AFF3: variants seen among roughly 807,000 people sequenced by gnomAD.
The protein encoded by AFF3 is ALF transcription elongation factor 3.
Under a neutral mutation model 129.7 loss-of-function variants are expected in AFF3, and 32 were observed. The ratio of observed to expected loss-of-function variants is 0.25; its 90% confidence interval spans 0.19 to 0.33. The LOEUF is 0.33. AFF3 is among the 10% of genes least tolerant of loss of function. The pLI, the probability that AFF3 is intolerant of heterozygous loss-of-function variation, is 1.00. For missense variants in AFF3, 1,373 were observed against 1,592.0 expected (o/e 0.86, Z 2.34); for synonymous variants, 644 against 635.4 (o/e 1.01, Z -0.20).
intron 12 of AFF3, among the ~76,000 whole-genome samples, chr2:99,656,755 T>C (rs1278811018): frequency 6.6e-6 from 1 of 152,212 alleles, no homozygotes; most frequent in Non-Finnish European, 1.5e-5. Context: ...CGTTTAGTAA[T>C]ATCTGCAAGA....
chr2:100,075,319 A>C (rs1397992921), intron 4 of AFF3, among the ~76,000 whole-genome samples: 1 of 152,130 alleles, frequency 6.6e-6, no homozygotes, highest in Non-Finnish European at 1.5e-5. Flanking sequence ...TTTAGCAAAG[A>C]CGTCTTCAAG....
intron 12 of AFF3, among the ~76,000 whole-genome samples, chr2:99,668,719 G>C (rs909681247): frequency 7.1e-6 from 1 of 141,720 alleles, no homozygotes; most frequent in Non-Finnish European, 1.5e-5. Flanking sequence ...CATGCACCAC[G>C]CCTGGCTAAT....
At chr2:99,747,618 T>A (rs1157974498) in intron 9 of AFF3, among the ~76,000 whole-genome samples, 1 of 152,190 alleles carries the variant, frequency 6.6e-6, no homozygotes, top group Non-Finnish European at 1.5e-5. Flanking sequence ...CCATAGATAG[T>A]AAACTTTAAA....
At chr2:99,849,948 G>T (rs1690026542) in intron 7 of AFF3, among the ~76,000 whole-genome samples, 1 of 152,168 alleles carries the variant, frequency 6.6e-6, no homozygotes, top group Admixed American at 6.5e-5. Flanking sequence ...ATATGCTAAG[G>T]ATTCATAAGT....
rs139751563 is a variant in AFF3 at position 100,080,327 on chromosome 2, T to C, written c.53+24075A>G. Among the ~76,000 whole-genome samples the C allele has an allele frequency of 3.3e-5, 5 of 152,348 alleles. No homozygotes were observed. The East Asian group carries it at 9.6e-4, about 29-fold the overall frequency. ...AGTAGTTAGATGTTTATTGTAATTTTGTTTAGCTCTGTCAAAGAATATTAC... is the reference window on the plus strand; with the variant it reads ...AGTAGTTAGATGTTTATTGTAATTTCGTTTAGCTCTGTCAAAGAATATTAC... On this transcript the variant is annotated intron_variant, in intron 4 of 24. Transcript: ENST00000672756.
chr2:99,556,846 C>T (rs754054980), intron 22 of AFF3, among the ~76,000 whole-genome samples: 8 of 151,724 alleles, frequency 5.3e-5, no homozygotes, highest in Non-Finnish European at 8.8e-5. Context: ...TGCTTGAGCC[C>T]AGGAATTCAC....
rs527883752 is a variant in AFF3, at chr2:99,888,031, T to C, written c.874-50507A>G. ...TATTTGTAATCAAAATCAGCAAGTGTTATATTAATAACTTCAGAAACGCTG... is the reference window on the plus strand; with the variant it reads ...TATTTGTAATCAAAATCAGCAAGTGCTATATTAATAACTTCAGAAACGCTG... On this transcript the variant is annotated intron_variant, in intron 7 of 24. Coordinates refer to ENST00000672756, the MANE Select transcript of AFF3 (RefSeq NM_001386135.1). Among the ~76,000 whole-genome samples, 8 of 152,308 alleles carry C rather than the reference T, an allele frequency of 5.3e-5. No individual in the cohort carries two copies. The Middle Eastern group carries it at 0.01, about 194-fold the overall frequency.
intron 7 of AFF3, among the ~76,000 whole-genome samples, chr2:99,909,238 A>C (rs1303874068): frequency 6.6e-6 from 1 of 151,522 alleles, no homozygotes; most frequent in Non-Finnish European, 1.5e-5. Context: ...TCGCAAGGAC[A>C]AAAAAACCAA....
chr2:99,649,863 G>C (rs1685072171), intron 12 of AFF3, among the ~76,000 whole-genome samples, 197 bp from the exon 13 acceptor site: 2 of 152,236 alleles, frequency 1.3e-5, no homozygotes, highest in Admixed American at 6.5e-5. Flanking sequence ...TTCACGGACA[G>C]TTAACTGAAG....
intron 10 of AFF3, among the ~76,000 whole-genome samples, chr2:99,733,053 C>T (rs1312651435): frequency 2.0e-5 from 3 of 151,740 alleles, no homozygotes; most frequent in East Asian, 3.9e-4. Flanking sequence ...TACATATAGT[C>T]GTGTGTGTGT....
intron 7 of AFF3, among the ~76,000 whole-genome samples, chr2:99,872,852 T>C (rs953770950): frequency 3.9e-5 from 6 of 152,162 alleles, no homozygotes; most frequent in Admixed American, 3.9e-4. Flanking sequence ...AGTATTTAAG[T>C]TAAAGTAGTT....
At chr2:99,582,625 G>T (rs559167866) in intron 17 of AFF3, among the ~76,000 whole-genome samples, 173 bp downstream of exon 17, 41 of 152,326 alleles carry the variant, frequency 2.7e-4, no homozygotes, top group Non-Finnish European at 5.4e-4. Flanking sequence ...CCCGCTCTCT[G>T]TTGGGACAGT....
At chr2:99,684,647 T>C (rs1264996352) in intron 11 of AFF3, among the ~76,000 whole-genome samples, 5 of 151,908 alleles carry the variant, frequency 3.3e-5, no homozygotes, top group African/African-American at 1.2e-4. Context: ...GATCTCACTT[T>C]GTCATCCAGG....
chr2:99,862,245 C>T (rs958066556), intron 7 of AFF3, among the ~76,000 whole-genome samples: 3 of 152,066 alleles, frequency 2.0e-5, no homozygotes, highest in Admixed American at 6.6e-5. Flanking sequence ...TGTCAAAACA[C>T]GGGGTAGAGT....
At chr2:99,762,075 C>G (rs1043956396) in intron 8 of AFF3, among the ~76,000 whole-genome samples, 1 of 151,870 alleles carries the variant, frequency 6.6e-6, no homozygotes, top group African/African-American at 2.4e-5. Flanking sequence ...GTGACCTGTG[C>G]TACCCTGAGC....
chr2:99,896,784 C>T (rs72951696), intron 7 of AFF3, among the ~76,000 whole-genome samples: 7,019 of 151,774 alleles, frequency 0.046, 563 homozygotes, highest in African/African-American at 0.16. Flanking sequence ...TACAGGCACG[C>T]ACCACCATGC....
chr2:99,903,127 T>A (rs1694469507), intron 7 of AFF3, among the ~76,000 whole-genome samples: 2 of 152,152 alleles, frequency 1.3e-5, no homozygotes, highest in African/African-American at 4.8e-5. Flanking sequence ...ATTGTACCAT[T>A]ACACCCTATT....
intron 11 of AFF3, among the ~76,000 whole-genome samples, chr2:99,716,366 G>A (rs1558780071): frequency 6.6e-6 from 1 of 152,116 alleles, no homozygotes; most frequent in Admixed American, 6.5e-5. Context: ...TTGGCTTCTA[G>A]GATCTGAATC....
chr2:100,118,814 C>CAT (rs1691830435), intron 2 of AFF3, among the ~76,000 whole-genome samples: 1 of 143,748 alleles, frequency 7.0e-6, no homozygotes, highest in Non-Finnish European at 1.5e-5. Flanking sequence ...AAAATTCTGA[C>CAT]TTTTTTTTTT....
Sources: allele counts gnomAD v4.1 joint callset (sites outside exome capture counted in the v4.1 genomes callset), GRCh38; gene constraint gnomAD v4.1.1; transcripts MANE v1.5; gene names NCBI Gene and HGNC (gene_info 2026-07-23, HGNC 2026-07-21).